Variants in NUAK2 observed in about 807,000 individuals in gnomAD.
NUAK2 encodes NUAK family SNF1-like kinase 2.
In NUAK2, 20 loss-of-function variants were observed where a neutral mutation model predicts 29.8. That is an observed-to-expected ratio of 0.67 (90% CI 0.47 to 0.98). The LOEUF is 0.98. NUAK2 is among the 50% of genes least tolerant of loss of function. The probability of loss-of-function intolerance (pLI) is 0.00; values close to 1 mark genes in which losing one functional copy is unlikely to be tolerated. For synonymous variants in NUAK2, 331 were observed against 342.6 expected, an observed-to-expected ratio of 0.97 and a Z score of 0.37; for missense variants, 719 against 834.5, an observed-to-expected ratio of 0.86 and a Z score of 1.71.
Position 205,302,267 on chromosome 1 carries a change from A to G in NUAK2, c.*1183T>C, listed in dbSNP as rs1662085321. On this transcript the variant is annotated 3_prime_UTR_variant, in exon 7 of 7. Coordinates refer to ENST00000367157, the MANE Select transcript of NUAK2 (RefSeq NM_030952.3). ...CCAGAACATAGCATTCACATTATTG[A>G]AAACAGCAAGATTCACTTTTCCTAA... The G allele has an allele frequency of 6.5e-6, 1 of 152,678 alleles. No individual in the cohort carries two copies. Among genetic ancestry groups the G allele is most frequent in the Non-Finnish European group, 1.5e-5 (1 of 68,054 alleles). The allele number at this position is 152,678 out of a possible 1,614,324, so 9.5% of individuals were successfully genotyped here.
intron 2 of NUAK2, among the ~76,000 whole-genome samples, chr1:205,311,076 G>A (rs533300089): frequency 2.3e-4 from 35 of 152,044 alleles, no homozygotes; most frequent in African/African-American, 2.7e-4. Context: ...TCTTTCCTTC[G>A]TCACCCTCTC....
chr1:205,317,705 A>G (rs1009862680), intron 1 of NUAK2, among the ~76,000 whole-genome samples: 6 of 152,196 alleles, frequency 3.9e-5, no homozygotes, highest in Non-Finnish European at 7.4e-5. Flanking sequence ...CCTGCCGCTT[A>G]GCAGGCAGGT....
chr1:205,310,699 CA>C (rs957472450), intron 2 of NUAK2, among the ~76,000 whole-genome samples: 3 of 152,258 alleles, frequency 2.0e-5, no homozygotes, highest in Non-Finnish European at 4.4e-5. Flanking sequence ...TATACACACA[CA>C]CACCCCAATC....
intron 1 of NUAK2, among the ~76,000 whole-genome samples, chr1:205,316,481 G>A (rs577917664): frequency 5.6e-4 from 85 of 152,178 alleles, no homozygotes; most frequent in Non-Finnish European, 9.3e-4. Context: ...AGGAGGAGCA[G>A]GGAAACCACC....
At chr1:205,307,076 C>T (rs1212332613) in intron 4 of NUAK2, among the ~76,000 whole-genome samples, 1 of 152,154 alleles carries the variant, frequency 6.6e-6, no homozygotes, top group African/African-American at 2.4e-5. Context: ...ATATTGAGGG[C>T]TTGAGAACCC....
At chr1:205,305,417 T>C (rs1166277078) in intron 5 of NUAK2, 86 bp from the exon 6 acceptor site, 58 of 1,512,910 alleles carry the variant, frequency 3.8e-5, no homozygotes, top group Non-Finnish European at 5.0e-5. Flanking sequence ...CCAGCACACC[T>C]GAGGACGACC....
At chr1:205,305,091 T>A (rs1193666121) in intron 6 of NUAK2, 108 bp downstream of exon 6, 1 of 1,423,554 alleles carries the variant, frequency 7.0e-7, no homozygotes, top group Non-Finnish European at 9.6e-7. Context: ...CCATGGGCCA[T>A]GATGGACTGT....
chr1:205,304,562 C>T lies in NUAK2; in HGVS notation c.824-49G>A, dbSNP rs1172329748. 2.9e-6 allele frequency: 4 copies of T among 1,399,490 alleles called. No homozygotes were observed. The highest frequency in any genetic ancestry group is 2.4e-4 in the Middle Eastern group (1 of 4,148). The allele number at this position is 1,399,490 out of a possible 1,614,324, so 86.7% of individuals were successfully genotyped here. A position where few individuals can be genotyped will look rare whatever the true frequency, so the allele number is the denominator to read the frequency against. On this transcript the variant is annotated intron_variant, in intron 6 of 6. Coordinates refer to ENST00000367157, the MANE Select transcript of NUAK2 (RefSeq NM_030952.3). This position sits in a 1 kb window ranked among gnomAD's most constrained non-coding sequence, Gnocchi z 6.5. Reference sequence around the variant, plus strand: ...TCAGTTTGGCAGCTCCCAGAATAGGCACTCCCTGTCCCCTGTCCCCAGCTC... The same window carrying T: ...TCAGTTTGGCAGCTCCCAGAATAGGTACTCCCTGTCCCCTGTCCCCAGCTC...
rs1426931246 is a variant in NUAK2 at position 205,321,403 on chromosome 1, G to A, written c.226C>T (p.Arg76Cys). The change falls in exon 1 of 7, where the codon CGC becomes TGC. Residue 76 changes from arginine to cysteine, a missense_variant. By Grantham distance (180) the Arg-to-Cys change is radical. Around this residue, in one of 3 missense-constraint regions of NUAK2, gnomAD observed 283 missense variants for 345.6 expected, o/e 0.82. Coordinates refer to ENST00000367157, the MANE Select transcript of NUAK2 (RefSeq NM_030952.3). ...KVKKARESSG[R>C]LVAIKSIRKD... is the part of the protein sequence containing the mutation. ...CGAGAGGGAGCCGCACTCACCAGGC[G>A]CCCCGAGCTCTCCCGCGCCTTCTTC... 1.2e-6 allele frequency: 2 copies of A among 1,613,172 alleles called. No homozygotes were observed. The highest frequency in any genetic ancestry group is 1.7e-6 in the Non-Finnish European group (2 of 1,179,628).
chr1:205,303,984 C>G lies in NUAK2; in HGVS notation c.1353G>C (p.Lys451Asn). ...AGTAGCCAGACTCGCGCTGTCGGGG[C>G]TTCTTGAGAATGCCCTTCTTGGGGA... ...PLLPKKGILK[K>N]PRQRESGYYS... is the part of the protein sequence containing the mutation. Residue 451 changes from lysine to asparagine, a missense_variant, in exon 7 of 7, where the codon AAG becomes AAC. Transcript: ENST00000367157. 6.2e-7 allele frequency: 1 copy of G among 1,613,866 alleles called. No homozygotes were observed. Among genetic ancestry groups the G allele is most frequent in the Non-Finnish European group, 8.5e-7 (1 of 1,179,904 alleles).
intron 6 of NUAK2, 135 bp downstream of exon 6, chr1:205,305,064 G>A: frequency 9.1e-7 from 1 of 1,098,166 alleles, no homozygotes; most frequent in East Asian, 2.5e-5. Flanking sequence ...ACATACGGTG[G>A]AGGGTACCCT....
At chr1:205,306,328 C>A in intron 4 of NUAK2, 21 bp from the exon 5 acceptor site, 1 of 1,603,500 alleles carries the variant, frequency 6.2e-7, no homozygotes, top group Admixed American at 1.7e-5. Flanking sequence ...GAGTCAAACA[C>A]GGGCACAGGT....
Position 205,303,955 on chromosome 1 carries a change from G to T in NUAK2, c.1382C>A (p.Ser461Tyr), listed in dbSNP as rs779114491. The change falls in exon 7 of 7, where the codon TCC becomes TAC. Residue 461 changes from serine to tyrosine, a missense_variant. Ser to Tyr is a moderately radical substitution (Grantham distance 144). This residue lies in a region of NUAK2 where 430 missense variants were observed against 465.7 expected (regional missense o/e 0.92). Transcript: ENST00000367157. Reference protein sequence around the residue: ...KPRQRESGYYSSPEPSESGEL... With the variant: ...KPRQRESGYYYSPEPSESGEL... Reference sequence around the variant, plus strand: ...CCCAGATTCACTGGGCTCGGGAGAGGAGTAGTAGCCAGACTCGCGCTGTCG... The same window carrying T: ...CCCAGATTCACTGGGCTCGGGAGAGTAGTAGTAGCCAGACTCGCGCTGTCG... 1 of 1,613,994 alleles carries T rather than the reference G, an allele frequency of 6.2e-7. No homozygotes were observed. The highest frequency in any genetic ancestry group is 8.5e-7 in the Non-Finnish European group (1 of 1,179,986).
chr1:205,308,850 T>C lies in NUAK2; in HGVS notation c.353-118A>G. 4.4e-6 allele frequency: 5 copies of C among 1,124,152 alleles called. No individual in the cohort carries two copies. The highest frequency in any genetic ancestry group is 6.4e-6 in the Non-Finnish European group (5 of 778,312). 69.6% of individuals were successfully genotyped at this position (1,124,152 alleles called of 1,614,324 possible). ...ACCAGACAGGACCCCCCTCCAGGAA[T>C]ATCTGCTAATGGGGCTATACGGTGG... On this transcript the variant is annotated intron_variant, in intron 2 of 6. Coordinates refer to ENST00000367157, the MANE Select transcript of NUAK2 (RefSeq NM_030952.3). This position sits in a 1 kb window ranked among gnomAD's most constrained non-coding sequence, Gnocchi z 4.1.
At chr1:205,318,867 C>A (rs1246011558) in intron 1 of NUAK2, among the ~76,000 whole-genome samples, 2 of 152,254 alleles carry the variant, frequency 1.3e-5, no homozygotes, top group Non-Finnish European at 2.9e-5. Context: ...CTCAGCCAAT[C>A]CCATCTGGCC....
rs1455451761 is a variant in NUAK2 at position 205,303,921 on chromosome 1, C to T, written c.1416G>A (p.Leu472=). ...SPEPSESGEL[L]DAGDVFVSGD... is the part of the protein sequence containing the mutation. ...CACTCACAAACACGTCGCCTGCGTC[C>T]AAGAGCTCCCCAGATTCACTGGGCT... The change falls in exon 7 of 7, where the codon TTG becomes TTA. Residue 472 remains leucine (L), a synonymous_variant. Coordinates refer to ENST00000367157, the MANE Select transcript of NUAK2 (RefSeq NM_030952.3). 3 of 1,613,944 alleles carry T rather than the reference C, an allele frequency of 1.9e-6. No individual in the cohort carries two copies. The highest frequency in any genetic ancestry group is 1.3e-5 in the African/African-American group (1 of 74,948).
At chr1:205,316,977 T>C in intron 1 of NUAK2, among the ~76,000 whole-genome samples, 1 of 152,190 alleles carries the variant, frequency 6.6e-6, no homozygotes, top group East Asian at 1.9e-4. Context: ...GGATGGTGCC[T>C]GGAGAAGCTT....
At chr1:205,313,218 T>C (rs1162870350) in intron 1 of NUAK2, among the ~76,000 whole-genome samples, 1 of 151,764 alleles carries the variant, frequency 6.6e-6, no homozygotes, top group Non-Finnish European at 1.5e-5. Context: ...TTTTACCATG[T>C]TTTTAAAAAT....
chr1:205,321,273 A>T (rs762887613), intron 1 of NUAK2, 125 bp downstream of exon 1: 70 of 810,598 alleles, frequency 8.6e-5, no homozygotes, highest in Non-Finnish European at 1.2e-4. Flanking sequence ...CCGCAAGCTC[A>T]GCGCGGTAAA....
Sources: gnomAD v4.1 joint callset for allele counts (sites outside exome capture counted in the v4.1 genomes callset) on GRCh38, gnomAD v4.1.1 for gene constraint, gnomAD v4.1.1 regional missense constraint, Gnocchi (gnomAD v3.1) non-coding constraint, MANE v1.5 for transcripts, NCBI Gene and HGNC (gene_info 2026-07-23, HGNC 2026-07-21) for gene names.